The following PARP8 variants were observed in gnomAD, a reference collection of about 807,000 sequenced individuals.
The protein encoded by PARP8 is poly(ADP-ribose) polymerase family member 8.
A neutral mutation model predicts 124.1 loss-of-function variants in PARP8; 51 were observed. The observed-to-expected ratio is 0.41, with a 90% CI of 0.33 to 0.52. PARP8 has a LOEUF of 0.52. Among genes scored for constraint, PARP8 ranks in the 20% least tolerant of loss-of-function variants. The pLI is 0.21. For synonymous variants in PARP8, 391 were observed against 361.5 expected (o/e 1.08, Z -0.93); for missense variants, 860 against 1,018.9 (o/e 0.84, Z 2.12).
intron 2 of PARP8, among the ~76,000 whole-genome samples, chr5:50,742,820 C>T (rs1758185305): frequency 6.6e-6 from 1 of 152,118 alleles, no homozygotes; most frequent in Non-Finnish European, 1.5e-5. Flanking sequence ...ATGACCTAAT[C>T]TGCAGTTTGG....
chr5:50,728,664 T>G (rs1216519948), intron 2 of PARP8, among the ~76,000 whole-genome samples: 1 of 152,008 alleles, frequency 6.6e-6, no homozygotes, highest in Non-Finnish European at 1.5e-5. Flanking sequence ...TTGAGACCAC[T>G]ATTAGAAATA....
chr5:50,699,182 A>T (rs972086958), intron 2 of PARP8, among the ~76,000 whole-genome samples: 3 of 152,112 alleles, frequency 2.0e-5, no homozygotes, highest in African/African-American at 7.2e-5. Context: ...TTACTATAAC[A>T]TGGCCTTATA....
At chr5:50,783,928 G>GTTGATAGCTA (rs1450779482) in intron 9 of PARP8, among the ~76,000 whole-genome samples, 4 of 152,098 alleles carry the variant, frequency 2.6e-5, no homozygotes, top group Admixed American at 6.5e-5. Flanking sequence ...TATGTTAGCT[G>GTTGATAGCTA]TTGATAGCTA....
Position 50,799,835 on chromosome 5 carries a change from A to G in PARP8, c.1575+2602A>G, listed in dbSNP as rs531165116. ...CAAAGAGCTCTCTCACTCCTCTACC[A>G]TGAAAGGACACAGCAAGAAGATCAA... is the stretch of plus-strand genomic sequence containing the variant. On this transcript the variant is annotated intron_variant, in intron 14 of 25. Transcript: ENST00000281631. 4.6e-5 allele frequency among the ~76,000 whole-genome samples: 7 copies of G among 152,288 alleles called. No homozygotes were observed. The East Asian group carries it at 1.4e-3, about 29-fold the overall frequency.
At chr5:50,835,280 C>T (rs1176237105) in intron 25 of PARP8, among the ~76,000 whole-genome samples, 1 of 152,236 alleles carries the variant, frequency 6.6e-6, no homozygotes, top group East Asian at 1.9e-4. Flanking sequence ...TGGTGGCCCA[C>T]ACCTGTAATC....
At chr5:50,760,600 T>C (rs1486571616) in intron 5 of PARP8, among the ~76,000 whole-genome samples, 2 of 152,150 alleles carry the variant, frequency 1.3e-5, no homozygotes, top group East Asian at 3.9e-4. Context: ...ATAAAATGTA[T>C]ATAAAGCTTA....
intron 2 of PARP8, among the ~76,000 whole-genome samples, chr5:50,730,980 G>C (rs35473824): frequency 0.065 from 9,825 of 152,246 alleles, 353 homozygotes; most frequent in Middle Eastern, 0.1. Flanking sequence ...GGAATACTTT[G>C]AGCAAGAAAG....
chr5:50,751,934 T>A (rs189240465), intron 3 of PARP8, among the ~76,000 whole-genome samples: 1 of 152,254 alleles, frequency 6.6e-6, no homozygotes, highest in Admixed American at 6.5e-5. Context: ...TAGGTAGACA[T>A]CTTGTTTTAT....
At chr5:50,677,358 T>C (rs1750754386) in intron 2 of PARP8, among the ~76,000 whole-genome samples, 1 of 150,540 alleles carries the variant, frequency 6.6e-6, no homozygotes, top group Non-Finnish European at 1.5e-5. Context: ...TGAAAAGCGG[T>C]CATTACTTTA....
At chr5:50,747,071 T>C (rs1580183644) in intron 2 of PARP8, among the ~76,000 whole-genome samples, 1 of 150,890 alleles carries the variant, frequency 6.6e-6, no homozygotes, top group South Asian at 2.1e-4. Context: ...CTTTATGAAA[T>C]AAAAATGTAT....
intron 10 of PARP8, among the ~76,000 whole-genome samples, chr5:50,789,454 G>A (rs767581090): frequency 3.9e-5 from 6 of 151,902 alleles, no homozygotes; most frequent in Non-Finnish European, 8.8e-5. Context: ...TGCATCCAGA[G>A]GGCTTGTTGT....
At chr5:50,721,958 C>G (rs1755934844) in intron 2 of PARP8, among the ~76,000 whole-genome samples, 1 of 151,996 alleles carries the variant, frequency 6.6e-6, no homozygotes, top group African/African-American at 2.4e-5. Context: ...ATATCATGCC[C>G]TAAAAATGTC....
At chr5:50,806,228 A>C (rs1416124275) in intron 14 of PARP8, among the ~76,000 whole-genome samples, 1 of 152,034 alleles carries the variant, frequency 6.6e-6, no homozygotes, top group Non-Finnish European at 1.5e-5. Flanking sequence ...TTACTGTGCT[A>C]GTAAGTAATA....
chr5:50,774,752 C>T (rs1453427986), intron 7 of PARP8, among the ~76,000 whole-genome samples: 1 of 143,326 alleles, frequency 7.0e-6, no homozygotes. Flanking sequence ...GGCAGAGGCG[C>T]TCCTCACTTC....
At chr5:50,742,707 A>G (rs1042048961) in intron 2 of PARP8, among the ~76,000 whole-genome samples, 1 of 152,170 alleles carries the variant, frequency 6.6e-6, no homozygotes, top group Admixed American at 6.5e-5. Context: ...TTGTTAATAG[A>G]TAATATTGAG....
intron 2 of PARP8, among the ~76,000 whole-genome samples, chr5:50,686,980 T>A (rs1201305954): frequency 6.6e-6 from 1 of 152,160 alleles, no homozygotes; most frequent in Non-Finnish European, 1.5e-5. Context: ...TTTTCCCCAT[T>A]GTCTTGGGGA....
intron 1 of PARP8, chr5:50,667,859 C>A: frequency 7.2e-7 from 1 of 1,380,344 alleles, no homozygotes; most frequent in Non-Finnish European, 9.8e-7. Context: ...TGGCACCCGG[C>A]ACTTGTTGCG....
At chr5:50,691,361 T>C (rs1752480308) in intron 2 of PARP8, among the ~76,000 whole-genome samples, 1 of 152,142 alleles carries the variant, frequency 6.6e-6, no homozygotes, top group Admixed American at 6.6e-5. Context: ...CAGCTTTCAT[T>C]TTACTTCACT....
chr5:50,695,216 A>C (rs1465239668), intron 2 of PARP8, among the ~76,000 whole-genome samples: 1 of 152,174 alleles, frequency 6.6e-6, no homozygotes, highest in Non-Finnish European at 1.5e-5. Context: ...ATCAGCTCCC[A>C]AGTGTAGAAA....
Sources: allele counts gnomAD v4.1 joint callset (sites outside exome capture counted in the v4.1 genomes callset), GRCh38; gene constraint gnomAD v4.1.1; transcripts MANE v1.5; gene names NCBI Gene and HGNC (gene_info 2026-07-23, HGNC 2026-07-21).